The following PDE4D variants were observed in gnomAD, a reference collection of about 807,000 sequenced individuals.
PDE4D encodes the protein phosphodiesterase 4D.
Under a neutral mutation model 87.4 loss-of-function variants are expected in PDE4D, and 24 were observed. The observed-to-expected ratio is 0.27, with a 90% CI of 0.20 to 0.39. PDE4D has a LOEUF of 0.39. Among genes scored for constraint, PDE4D ranks in the 10% least tolerant of loss-of-function variants. The pLI is 1.00. For synonymous variants in PDE4D, 384 were observed against 383.2 expected (o/e 1.00, Z -0.02); for missense variants, 714 against 1,041.0 (o/e 0.69, Z 4.32).
At chr5:59,074,532 C>A (rs1765370251) in intron 5 of PDE4D, among the ~76,000 whole-genome samples, 1 of 152,094 alleles carries the variant, frequency 6.6e-6, no homozygotes, top group Non-Finnish European at 1.5e-5. Flanking sequence ...CCGAGGCAGG[C>A]AGATTGCTTG....
chr5:60,191,472 C>T (rs1785189496), intron 1 of PDE4D, among the ~76,000 whole-genome samples: 2 of 152,116 alleles, frequency 1.3e-5, no homozygotes, highest in South Asian at 4.1e-4. Flanking sequence ...CATTCTCCTT[C>T]CTGCCTCCTT....
At chr5:59,785,271 A>C (rs976778158) in intron 1 of PDE4D, among the ~76,000 whole-genome samples, 4 of 152,240 alleles carry the variant, frequency 2.6e-5, no homozygotes, top group African/African-American at 9.6e-5. Context: ...ACTACTTACT[A>C]TTCCCAATTT....
intron 1 of PDE4D, among the ~76,000 whole-genome samples, chr5:59,263,122 A>G (rs1762300438): frequency 6.6e-6 from 1 of 151,968 alleles, no homozygotes; most frequent in Non-Finnish European, 1.5e-5. Flanking sequence ...GAAAAGTGCC[A>G]TCTACTAAAA....
intron 5 of PDE4D, among the ~76,000 whole-genome samples, chr5:59,142,861 G>T (rs1778100810): frequency 6.6e-6 from 1 of 152,186 alleles, no homozygotes; most frequent in Non-Finnish European, 1.5e-5. Context: ...AGGTTTCAGT[G>T]AGCCGAGATC....
intron 1 of PDE4D, among the ~76,000 whole-genome samples, chr5:59,562,776 G>A (rs888997055): frequency 6.6e-6 from 1 of 151,594 alleles, no homozygotes; most frequent in Non-Finnish European, 1.5e-5. Flanking sequence ...TGATAACAGT[G>A]GCCAAGAAAA....
chr5:59,944,731 A>G (rs1757559641), intron 3 of PDE4D, among the ~76,000 whole-genome samples: 1 of 152,180 alleles, frequency 6.6e-6, no homozygotes, highest in Non-Finnish European at 1.5e-5. Flanking sequence ...TGATGAAGGT[A>G]TCCTTCAGCA....
At chr5:59,581,927 CA>C (rs1184603505) in intron 1 of PDE4D, among the ~76,000 whole-genome samples, 1 of 152,086 alleles carries the variant, frequency 6.6e-6, no homozygotes, top group Non-Finnish European at 1.5e-5. Context: ...CTGCCTTAAA[CA>C]ATGGCTGACT....
intron 5 of PDE4D, among the ~76,000 whole-genome samples, chr5:59,128,400 T>G (rs1437696080): frequency 1.3e-5 from 2 of 152,184 alleles, no homozygotes; most frequent in African/African-American, 4.8e-5. Flanking sequence ...ACTCATGACT[T>G]GTTAAGAGGT....
At chr5:59,506,971 T>C (rs1809379026) in intron 1 of PDE4D, among the ~76,000 whole-genome samples, 1 of 152,142 alleles carries the variant, frequency 6.6e-6, no homozygotes, top group Non-Finnish European at 1.5e-5. Context: ...CAAAAAGATG[T>C]ATACAGTAAT....
chr5:60,165,074 C>A (rs920728166), intron 2 of PDE4D, among the ~76,000 whole-genome samples: 1 of 152,112 alleles, frequency 6.6e-6, no homozygotes, highest in Non-Finnish European at 1.5e-5. Flanking sequence ...CTACCATTTA[C>A]TTCTTTATTT....
chr5:59,821,237 G>GCAGCAA (rs1480951441), intron 1 of PDE4D, among the ~76,000 whole-genome samples: 1 of 148,882 alleles, frequency 6.7e-6, no homozygotes, highest in African/African-American at 2.5e-5. Flanking sequence ...TGTCTCAACA[G>GCAGCAA]CAACAACAAC....
At chr5:59,261,551 C>T (rs769701378) in intron 1 of PDE4D, among the ~76,000 whole-genome samples, 6 of 151,814 alleles carry the variant, frequency 4.0e-5, no homozygotes, top group Non-Finnish European at 8.8e-5. Context: ...TCTGTAAAGA[C>T]AGATTTTGGC....
At chr5:59,672,860 C>T (rs1042069543) in intron 1 of PDE4D, among the ~76,000 whole-genome samples, 5 of 152,298 alleles carry the variant, frequency 3.3e-5, no homozygotes, top group Middle Eastern at 3.4e-3. Flanking sequence ...TGAACATACA[C>T]ATTTATTGAC....
At chr5:60,383,899 A>T (rs918262731) in intron 1 of PDE4D, among the ~76,000 whole-genome samples, 3 of 152,228 alleles carry the variant, frequency 2.0e-5, no homozygotes, top group African/African-American at 7.2e-5. Flanking sequence ...CAGATGAGGA[A>T]ATCAAGGCAC....
intron 1 of PDE4D, among the ~76,000 whole-genome samples, chr5:59,299,557 C>G (rs1263030013): frequency 6.6e-6 from 1 of 152,036 alleles, no homozygotes; most frequent in Admixed American, 6.6e-5. Context: ...TTTTGTGACA[C>G]CAAAGAAGAT....
chr5:59,119,204 T>A (rs1774091763), intron 5 of PDE4D, among the ~76,000 whole-genome samples: 1 of 152,210 alleles, frequency 6.6e-6, no homozygotes, highest in Non-Finnish European at 1.5e-5. Flanking sequence ...ATTGCCAAAA[T>A]CTTATTATCA....
At chr5:59,093,856 C>T (rs1042455021) in intron 5 of PDE4D, among the ~76,000 whole-genome samples, 1 of 152,130 alleles carries the variant, frequency 6.6e-6, no homozygotes, top group African/African-American at 2.4e-5. Flanking sequence ...CAGAGGAAAA[C>T]CTCAAGAGGA....
intron 1 of PDE4D, among the ~76,000 whole-genome samples, chr5:59,621,606 C>T (rs550071228): frequency 4.0e-4 from 61 of 152,280 alleles, no homozygotes; most frequent in African/African-American, 1.4e-3. Flanking sequence ...AGATATTTTC[C>T]TCCCTGTTCT....
At chr5:59,834,969 G>A (rs959728359) in intron 1 of PDE4D, among the ~76,000 whole-genome samples, 3 of 151,932 alleles carry the variant, frequency 2.0e-5, no homozygotes, top group African/African-American at 7.2e-5. Flanking sequence ...ATTAAAACCT[G>A]CTTTCAGGAA....
Sources: allele counts gnomAD v4.1 joint callset (sites outside exome capture counted in the v4.1 genomes callset), GRCh38; gene constraint gnomAD v4.1.1; transcripts MANE v1.5; gene names NCBI Gene and HGNC (gene_info 2026-07-23, HGNC 2026-07-21).